The following MPDZ variants were observed in gnomAD, a reference collection of about 807,000 sequenced individuals.
MPDZ encodes the protein multiple PDZ domain crumbs cell polarity complex component, also known as multiple PDZ domain protein.
In MPDZ, 234 loss-of-function variants were observed where a neutral mutation model predicts 239.1. The observed-to-expected ratio is 0.98, with a 90% CI of 0.88 to 1.09. The LOEUF (loss-of-function observed/expected upper bound fraction) is 1.09, where lower values mean the gene tolerates loss of function less well. Ranked by LOEUF, MPDZ falls within the 50% of genes least tolerant of loss-of-function variation. The pLI is 0.00. For synonymous variants in MPDZ, 1,048 were observed against 881.3 expected (o/e 1.19, Z -3.35); for missense variants, 3,175 against 2,510.0 (o/e 1.26, Z -5.66).
intron 1 of MPDZ, among the ~76,000 whole-genome samples, chr9:13,277,351 C>T (rs1465208571): frequency 1.3e-5 from 2 of 152,050 alleles, no homozygotes; most frequent in Non-Finnish European, 2.9e-5. Flanking sequence ...ATAAGGTACA[C>T]CATAATCTAT....
At chr9:13,130,740 A>G (rs1019675668) in intron 32 of MPDZ, among the ~76,000 whole-genome samples, 2 of 152,256 alleles carry the variant, frequency 1.3e-5, no homozygotes, top group African/African-American at 4.8e-5. Context: ...AAAAGAAATC[A>G]GAAAGACCAA....
chr9:13,217,145 T>A, intron 9 of MPDZ, 35 bp downstream of exon 9: 1 of 1,307,304 alleles, frequency 7.6e-7, no homozygotes, highest in South Asian at 1.3e-5. Context: ...GAGGTAATTG[T>A]CAAGTTTAAA....
At chr9:13,198,790 G>C (rs1240922892) in intron 12 of MPDZ, among the ~76,000 whole-genome samples, 1 of 59,380 alleles carries the variant, frequency 1.7e-5, no homozygotes, top group African/African-American at 3.7e-5. Context: ...TGTGTTTTAG[G>C]ACAGGCCTTT....
At chr9:13,117,591 C>T (rs1454437271) in intron 39 of MPDZ, among the ~76,000 whole-genome samples, 1 of 151,840 alleles carries the variant, frequency 6.6e-6, no homozygotes. Context: ...GCCATGCATC[C>T]TTGCTATTTA....
intron 1 of MPDZ, among the ~76,000 whole-genome samples, chr9:13,257,953 T>G (rs1408986168): frequency 6.6e-6 from 1 of 152,140 alleles, no homozygotes; most frequent in Non-Finnish European, 1.5e-5. Flanking sequence ...TAACAACATA[T>G]AAAATCATTT....
At chr9:13,152,228 A>C (rs1949271400) in intron 24 of MPDZ, among the ~76,000 whole-genome samples, 1 of 152,124 alleles carries the variant, frequency 6.6e-6, no homozygotes, top group African/African-American at 2.4e-5. Context: ...CAAGACATGA[A>C]GAGCAGTGAC....
intron 32 of MPDZ, among the ~76,000 whole-genome samples, chr9:13,127,254 G>A (rs1348834824): frequency 6.6e-6 from 1 of 152,116 alleles, no homozygotes; most frequent in Non-Finnish European, 1.5e-5. Context: ...TGCAGACTCT[G>A]TCCTTTTGGG....
At chr9:13,204,957 G>T in intron 12 of MPDZ, 79 bp downstream of exon 12, 1 of 957,616 alleles carries the variant, frequency 1.0e-6, no homozygotes, top group Non-Finnish European at 1.5e-6. Context: ...TATCCATAGA[G>T]GCTTAATCAC....
At chr9:13,109,488 A>C (rs192198461) in intron 45 of MPDZ, among the ~76,000 whole-genome samples, 23 of 152,284 alleles carry the variant, frequency 1.5e-4, no homozygotes, top group Non-Finnish European at 2.9e-4. Context: ...AATTATTTAA[A>C]ATTTCTAATG....
Position 13,162,753 on chromosome 9 carries a change from T to C in MPDZ, c.3297A>G (p.Ile1099Met), listed in dbSNP as rs1950624308. 1.9e-6 allele frequency: 3 copies of C among 1,611,322 alleles called. No individual in the cohort carries two copies. The highest frequency in any genetic ancestry group is 2.5e-6 in the Non-Finnish European group (3 of 1,178,490). ...VPAEHLEEFK[I>M]SLGQQSGRVM... ...CTCTTCCAGATTGTTGTCCCAAGCT[T>C]ATTTTGAACTCTTCCAAATGTTCTG... Residue 1099 changes from isoleucine (I) to methionine (M), a missense_variant, in exon 23 of 47, where the codon ATA (isoleucine) becomes ATG (methionine). Coordinates refer to ENST00000319217, the MANE Select transcript of MPDZ (RefSeq NM_001378778.1).
chr9:13,118,634 A>G (rs1385135485), intron 39 of MPDZ, among the ~76,000 whole-genome samples: 2 of 152,228 alleles, frequency 1.3e-5, no homozygotes, highest in African/African-American at 2.4e-5. Context: ...TAAAAAAACA[A>G]AACAAGGAGA....
At chr9:13,249,104 T>TCA (rs199752806) in intron 2 of MPDZ, among the ~76,000 whole-genome samples, 49,691 of 145,302 alleles carry the variant, frequency 0.34, 8,828 homozygotes, top group Middle Eastern at 0.44. Context: ...GATCATGGGT[T>TCA]CACACACACA....
intron 1 of MPDZ, among the ~76,000 whole-genome samples, chr9:13,273,074 T>C (rs974477588): frequency 1.3e-5 from 2 of 152,058 alleles, no homozygotes; most frequent in African/African-American, 2.4e-5. Context: ...TTCCATACCA[T>C]ATGAAGACAC....
At chr9:13,187,145 A>C (rs1432115402) in intron 17 of MPDZ, among the ~76,000 whole-genome samples, 1 of 152,164 alleles carries the variant, frequency 6.6e-6, no homozygotes. Context: ...ATAGGGGAAA[A>C]GAAACTGTTT....
intron 32 of MPDZ, among the ~76,000 whole-genome samples, chr9:13,129,073 T>C (rs1945537666): frequency 6.6e-6 from 1 of 152,156 alleles, no homozygotes; most frequent in Non-Finnish European, 1.5e-5. Flanking sequence ...AAAGAAACAA[T>C]AAGCTACAAA....
rs779824909 is a variant in MPDZ, at chr9:13,151,604, A to T, written c.3453-916T>A. Among the ~76,000 whole-genome samples, 7 of 152,118 alleles carry T rather than the reference A, an allele frequency of 4.6e-5. 1 individual carries two copies. Among genetic ancestry groups the T allele is most frequent in the Non-Finnish European group, 7.4e-5 (5 of 68,000 alleles). ...CTAGAGGTACCAAATTCATAGAGAC[A>T]GAAAGTAGAATGGTGGTTGCCTGGG... On this transcript the variant is annotated intron_variant, in intron 24 of 46. Transcript: ENST00000319217.
intron 32 of MPDZ, among the ~76,000 whole-genome samples, chr9:13,129,520 G>A (rs1301042627): frequency 6.6e-6 from 1 of 151,542 alleles, no homozygotes; most frequent in African/African-American, 2.4e-5. Flanking sequence ...AAGAAAAACA[G>A]GATGACACAT....
rs1316322214 is a variant in MPDZ at position 13,158,045 on chromosome 9, G to A, written c.3425C>T (p.Ala1142Val). The part of the protein sequence containing the change: ...EGEESELQNT[A>V]YSNWNQPRRV... ...CCTGGGCTGATTCCAATTGCTATAT[G>A]CTGTGTTTTGAAGTTCGCTTTCTTC... The change falls in exon 24 of 47, where the codon GCA becomes GTA. Residue 1142 changes from alanine (A) to valine (V), a missense_variant. By Grantham distance (64) the Ala-to-Val change is moderately conservative. Coordinates refer to ENST00000319217, the MANE Select transcript of MPDZ (RefSeq NM_001378778.1). 13 of 1,612,536 alleles carry A rather than the reference G, an allele frequency of 8.1e-6. No individual in the cohort carries two copies. Among genetic ancestry groups the A allele is most frequent in the Admixed American group, 1.7e-5 (1 of 59,886 alleles).
intron 10 of MPDZ, among the ~76,000 whole-genome samples, chr9:13,214,974 C>G (rs1027975790): frequency 6.6e-6 from 1 of 151,714 alleles, no homozygotes; most frequent in Admixed American, 6.6e-5. Context: ...TTTTTAAAAT[C>G]GTGGTAGAAA....
Sources: allele counts gnomAD v4.1 joint callset (sites outside exome capture counted in the v4.1 genomes callset), GRCh38; gene constraint gnomAD v4.1.1; transcripts MANE v1.5; gene names NCBI Gene and HGNC (gene_info 2026-07-23, HGNC 2026-07-21).